The following SLC25A24 variants were observed in gnomAD, a reference collection of about 807,000 sequenced individuals.
The protein encoded by SLC25A24 is mitochondrial adenyl nucleotide antiporter SLC25A24.
A neutral mutation model predicts 60.7 loss-of-function variants in SLC25A24; 49 were observed. The ratio of observed to expected loss-of-function variants is 0.81; its 90% CI spans 0.64 to 1.02. SLC25A24 has a LOEUF of 1.02. Among genes scored for constraint, SLC25A24 ranks in the 50% least tolerant of loss-of-function variants. The pLI is 0.00. For missense variants in SLC25A24, 564 were observed against 586.3 expected (o/e 0.96, Z 0.39); for synonymous variants, 202 against 200.6 (o/e 1.01, Z -0.06).
chr1:108,178,216 C>A (rs1490525880), intron 3 of SLC25A24, among the ~76,000 whole-genome samples: 1 of 151,982 alleles, frequency 6.6e-6, no homozygotes, highest in Non-Finnish European at 1.5e-5. Context: ...ACCATTAATA[C>A]GTCTGAAAGG....
intron 1 of SLC25A24, among the ~76,000 whole-genome samples, chr1:108,188,607 G>A (rs1648230883): frequency 6.6e-6 from 1 of 152,190 alleles, no homozygotes; most frequent in Non-Finnish European, 1.5e-5. Context: ...ACCAAAAGGG[G>A]CTTGCTGCCC....
In SLC25A24 at chr1:108,200,034, C is replaced by T; in HGVS notation, c.105G>A (p.Gly35=). 6.2e-7 allele frequency: 1 copy of T among 1,610,324 alleles called. No individual in the cohort carries two copies. Among genetic ancestry groups the T allele is most frequent in the East Asian group, 2.2e-5 (1 of 44,798 alleles). The part of the protein sequence containing the change: ...ETLFQALDRN[G]DGVVDIGELQ... Reference sequence around the variant, plus strand: ...GCTCGCCGATGTCCACCACTCCGTCCCCATTGCGGTCCAGTGCCTGGAAGA... The same window carrying T: ...GCTCGCCGATGTCCACCACTCCGTCTCCATTGCGGTCCAGTGCCTGGAAGA... The change falls in exon 1 of 10, where the codon GGG becomes GGA. Residue 35 remains glycine, a synonymous_variant. Transcript: ENST00000565488.
chr1:108,152,414 T>G (rs1176237693), intron 6 of SLC25A24, among the ~76,000 whole-genome samples: 1 of 152,164 alleles, frequency 6.6e-6, no homozygotes, highest in Non-Finnish European at 1.5e-5. Flanking sequence ...TCACCCAGGC[T>G]AGATTGCAAT....
At chr1:108,180,601 G>A (rs1647879553) in intron 3 of SLC25A24, among the ~76,000 whole-genome samples, 1 of 145,632 alleles carries the variant, frequency 6.9e-6, no homozygotes, top group Non-Finnish European at 1.5e-5. Flanking sequence ...CCTTATAATA[G>A]AAAGCAAGAG....
At chr1:108,199,223 C>T (rs1648586823) in intron 1 of SLC25A24, 1 of 152,212 alleles carries the variant, frequency 6.6e-6, no homozygotes, top group South Asian at 2.1e-4. Context: ...AACCTAATCA[C>T]TTTCCCTCTT....
At chr1:108,148,408 T>C in intron 6 of SLC25A24, 22 bp from the exon 7 acceptor site, 2 of 1,312,360 alleles carry the variant, frequency 1.5e-6, no homozygotes, top group Non-Finnish European at 2.2e-6. Flanking sequence ...AGTTTTAAAA[T>C]GCACATTACT....
rs767261944 is a variant in SLC25A24 at position 108,200,129 on chromosome 1, A to C, written c.10T>G (p.Trp4Gly). 6.4e-6 allele frequency: 10 copies of C among 1,554,562 alleles called. No individual in the cohort carries two copies. Among genetic ancestry groups the C allele is most frequent in the Non-Finnish European group, 8.7e-6 (10 of 1,151,184 alleles). The change falls in exon 1 of 10, where the codon TGG (tryptophan) becomes GGG (glycine). Residue 4 changes from tryptophan (W) to glycine (G), a missense_variant. Trp to Gly is a radical substitution (Grantham distance 184). Coordinates refer to ENST00000565488, the MANE Select transcript of SLC25A24 (RefSeq NM_013386.5). ...GTGGGCAGCACGAAGTCCCGCAGCC[A>C]GCGCAACATGGTCCCAGAGGCGCAG... is the stretch of plus-strand genomic sequence containing the variant. MLR[W>G]LRDFVLPTAA...
intron 3 of SLC25A24, among the ~76,000 whole-genome samples, chr1:108,178,138 G>A: frequency 6.6e-6 from 1 of 151,712 alleles, no homozygotes; most frequent in African/African-American, 2.4e-5. Flanking sequence ...CTCCAGCCTG[G>A]TGACAGAGTG....
At chr1:108,167,102 C>G (rs981316965) in intron 3 of SLC25A24, among the ~76,000 whole-genome samples, 1 of 152,086 alleles carries the variant, frequency 6.6e-6, no homozygotes, top group South Asian at 2.1e-4. Context: ...TTAGGCTGCT[C>G]GGGCGTCAGG....
chr1:108,157,061 A>C (rs1425677401), intron 5 of SLC25A24, among the ~76,000 whole-genome samples: 2 of 152,258 alleles, frequency 1.3e-5, no homozygotes, highest in Non-Finnish European at 2.9e-5. Flanking sequence ...TTTTTCTGCT[A>C]ACCTCAGCTT....
chr1:108,151,018 C>T (rs1400236171), intron 6 of SLC25A24, among the ~76,000 whole-genome samples: 11 of 103,938 alleles, frequency 1.1e-4, no homozygotes, highest in Admixed American at 2.7e-4. Flanking sequence ...CTGGCCAATA[C>T]GGTGAAACCT....
intron 7 of SLC25A24, among the ~76,000 whole-genome samples, chr1:108,144,665 G>A (rs1412158197): frequency 6.6e-6 from 1 of 152,138 alleles, no homozygotes; most frequent in Admixed American, 6.6e-5. Flanking sequence ...CAACTTATGA[G>A]TGAGAACATG....
At chr1:108,146,039 T>A (rs961262369) in intron 7 of SLC25A24, among the ~76,000 whole-genome samples, 3 of 152,218 alleles carry the variant, frequency 2.0e-5, no homozygotes, top group East Asian at 3.8e-4. Flanking sequence ...ATTCTTCCTA[T>A]CCATGAGCAT....
intron 4 of SLC25A24, among the ~76,000 whole-genome samples, chr1:108,160,200 C>T (rs539454704): frequency 3.3e-5 from 5 of 150,704 alleles, no homozygotes; most frequent in Non-Finnish European, 5.9e-5. Flanking sequence ...ACTTCTCAGA[C>T]GGGGCGGCCG....
chr1:108,143,922 T>A (rs1263528698), intron 7 of SLC25A24, among the ~76,000 whole-genome samples: 2 of 152,114 alleles, frequency 1.3e-5, no homozygotes, highest in Non-Finnish European at 2.9e-5. Context: ...GAGGATCTGA[T>A]GAAGGAAGTG....
intron 3 of SLC25A24, among the ~76,000 whole-genome samples, chr1:108,181,667 A>G (rs1396329386): frequency 2.0e-5 from 3 of 152,218 alleles, no homozygotes; most frequent in Non-Finnish European, 4.4e-5. Context: ...AAAACTCTTC[A>G]GCTCCTCATC....
At chr1:108,180,217 T>C (rs1210279402) in intron 3 of SLC25A24, among the ~76,000 whole-genome samples, 1 of 148,078 alleles carries the variant, frequency 6.8e-6, no homozygotes, top group African/African-American at 2.5e-5. Flanking sequence ...TAAAAAAAAA[T>C]AGCCAGGCGT....
intron 5 of SLC25A24, among the ~76,000 whole-genome samples, chr1:108,156,530 T>C (rs1259002705): frequency 6.6e-6 from 1 of 152,212 alleles, no homozygotes; most frequent in Non-Finnish European, 1.5e-5. Context: ...GAGATTTGGG[T>C]ACATTCTGAA....
intron 1 of SLC25A24, among the ~76,000 whole-genome samples, chr1:108,188,808 G>T (rs1648236868): frequency 6.6e-6 from 1 of 152,164 alleles, no homozygotes; most frequent in Admixed American, 6.5e-5. Context: ...AAATGGGGAG[G>T]TCTCCCAAGT....
Sources: allele counts gnomAD v4.1 joint callset (sites outside exome capture counted in the v4.1 genomes callset), GRCh38; gene constraint gnomAD v4.1.1; transcripts MANE v1.5; gene names NCBI Gene and HGNC (gene_info 2026-07-23, HGNC 2026-07-21).